Variants in PRIM2 observed in about 807,000 individuals in gnomAD.
PRIM2 encodes the protein DNA primase large subunit.
PRIM2 carries 39 observed loss-of-function variants against 67.3 expected under a neutral mutation model. The ratio of observed to expected loss-of-function variants is 0.58; its 90% CI spans 0.45 to 0.76. PRIM2 has a LOEUF of 0.76. PRIM2 is among the 30% of genes least tolerant of loss of function. The pLI is 0.00. For missense variants in PRIM2, 398 were observed against 598.7 expected (o/e 0.66, Z 3.50); for synonymous variants, 143 against 198.7 (o/e 0.72, Z 2.36).
At chr6:57,242,671 C>G in the PRIM2 span, among the ~76,000 whole-genome samples, 1 of 152,162 alleles carries the variant, frequency 6.6e-6, no homozygotes. Flanking sequence ...ACTTAACTCT[C>G]AGAGGAAGAT....
intron 7 of PRIM2, among the ~76,000 whole-genome samples, chr6:57,477,976 AAAAT>A (rs1562771750): frequency 6.6e-6 from 1 of 152,230 alleles, no homozygotes; most frequent in Admixed American, 6.5e-5. Flanking sequence ...AATATAAATA[AAAAT>A]AAATGAAATA....
At chr6:57,446,418 C>CTTTTTTTTTTTTTTTT (rs397958660) in intron 7 of PRIM2, among the ~76,000 whole-genome samples, 14,943 of 81,804 alleles carry the variant, frequency 0.18, 3,935 homozygotes, top group South Asian at 0.28. Context: ...CACGCCACTT[C>CTTTTTTTTTTTTTTTT]TTTTTTTTTT....
At position 57,497,777 on chromosome 6, in the gene PRIM2, A is replaced by G. The variant is rs1554346515; in HGVS notation, c.694-9610A>G. On this transcript the variant is annotated intron_variant, in intron 7 of 13. Coordinates refer to ENST00000615550, the MANE Select transcript of PRIM2 (RefSeq NM_000947.5). ...TCTGTTGTGAAGATCACCTGAAATA[A>G]TGTGTGTGAGAGCCCTGTGGAAACC... 5.9e-5 allele frequency: 9 copies of G among 152,254 alleles called. No individual in the cohort carries two copies. The South Asian group carries it at 1.9e-3, about 31-fold the overall frequency. The allele number at this position is 152,254 out of a possible 1,614,324, so 9.4% of individuals were successfully genotyped here. A position where few individuals can be genotyped will look rare whatever the true frequency, so the allele number is the denominator to read the frequency against.
At chr6:57,232,118 T>C in the PRIM2 span, among the ~76,000 whole-genome samples, 1 of 152,206 alleles carries the variant, frequency 6.6e-6, no homozygotes, top group East Asian at 1.9e-4. Context: ...TTAAGGAAGA[T>C]AGAATGAATG....
chr6:57,385,000 T>A (rs918655347), intron 7 of PRIM2, among the ~76,000 whole-genome samples: 9 of 152,202 alleles, frequency 5.9e-5, no homozygotes, highest in Non-Finnish European at 1.2e-4. Context: ...GTAAAAAAAA[T>A]TTTACATTTG....
chr6:57,299,967 G>A, the PRIM2 span, among the ~76,000 whole-genome samples: 4 of 152,162 alleles, frequency 2.6e-5, no homozygotes, highest in Non-Finnish European at 5.9e-5. Context: ...ATCCACAGAA[G>A]GATTGACGTT....
intron 5 of PRIM2, among the ~76,000 whole-genome samples, chr6:57,343,497 C>T (rs993832503): frequency 2.6e-5 from 4 of 152,092 alleles, no homozygotes; most frequent in Non-Finnish European, 5.9e-5. Context: ...TTGATACAGC[C>T]AATAAGGAGT....
intron 8 of PRIM2, among the ~76,000 whole-genome samples, chr6:57,518,451 G>GTA (rs1241017827): frequency 1.3e-5 from 2 of 152,050 alleles, no homozygotes; most frequent in Non-Finnish European, 2.9e-5. Context: ...TTTGCCTAGG[G>GTA]TATGAGCTCC....
rs13362764 is a variant in PRIM2 at position 57,353,588 on chromosome 6, C to T, written c.460-26313C>T. Among the ~76,000 whole-genome samples, 1,424 of 152,234 alleles carry T rather than the reference C, an allele frequency of 9.4e-3. 21 individuals are homozygous for T. The highest frequency in any genetic ancestry group is 0.032 in the African/African-American group (1,343 of 41,532). ...TGCACACATACATAAAGAAGATCTA[C>T]GGTTTTGGTGGTATTTATAGCAGGG... On this transcript the variant is annotated intron_variant, in intron 5 of 13. Coordinates refer to ENST00000615550, the MANE Select transcript of PRIM2 (RefSeq NM_000947.5).
the PRIM2 span, among the ~76,000 whole-genome samples, chr6:57,223,615 C>A: frequency 6.6e-6 from 1 of 151,874 alleles, no homozygotes; most frequent in Admixed American, 6.6e-5. Context: ...GTACTGATGC[C>A]CTTTCTGAGA....
At chr6:57,548,272 G>T (rs1679356508) in intron 10 of PRIM2, among the ~76,000 whole-genome samples, 1 of 152,142 alleles carries the variant, frequency 6.6e-6, no homozygotes, top group Non-Finnish European at 1.5e-5. Context: ...GAGCAGGAGT[G>T]CCAAAAGTTA....
intron 10 of PRIM2, among the ~76,000 whole-genome samples, chr6:57,539,327 A>G (rs1775085527): frequency 6.6e-6 from 1 of 152,134 alleles, no homozygotes; most frequent in African/African-American, 2.4e-5. Flanking sequence ...ACCATTCTAA[A>G]AATTGTCATT....
At chr6:57,515,307 T>C (rs1343279248) in intron 8 of PRIM2, among the ~76,000 whole-genome samples, 5 of 152,224 alleles carry the variant, frequency 3.3e-5, no homozygotes, top group Non-Finnish European at 7.3e-5. Context: ...ACAGTTTCTG[T>C]GTGTTCAGGC....
intron 7 of PRIM2, among the ~76,000 whole-genome samples, chr6:57,388,716 T>C (rs1453779895): frequency 1.3e-5 from 2 of 152,078 alleles, no homozygotes; most frequent in Non-Finnish European, 2.9e-5. Context: ...CTTGAATAAT[T>C]TATTAGGGGG....
chr6:57,307,572 G>C, the PRIM2 span, among the ~76,000 whole-genome samples: 1 of 152,132 alleles, frequency 6.6e-6, no homozygotes, highest in Non-Finnish European at 1.5e-5. Context: ...TATTTACAAA[G>C]GTGTGGGAGT....
chr6:57,290,641 T>TTATAA, the PRIM2 span, among the ~76,000 whole-genome samples: 5 of 151,060 alleles, frequency 3.3e-5, no homozygotes, highest in Non-Finnish European at 5.9e-5. Flanking sequence ...AGAACAGAAA[T>TTATAA]CACAACAGTC....
chr6:57,390,190 A>G (rs1770285325), intron 7 of PRIM2: 1 of 154,756 alleles, frequency 6.5e-6, no homozygotes, highest in Non-Finnish European at 1.5e-5. Flanking sequence ...CAAAGACTGC[A>G]ATTACTTTTG....
intron 5 of PRIM2, among the ~76,000 whole-genome samples, chr6:57,359,677 A>G (rs1186698924): frequency 1.3e-5 from 2 of 152,228 alleles, no homozygotes; most frequent in East Asian, 3.8e-4. Context: ...AAATACCTCA[A>G]AACAACTGTA....
chr6:57,251,711 T>C, the PRIM2 span, among the ~76,000 whole-genome samples: 1 of 152,300 alleles, frequency 6.6e-6, no homozygotes, highest in South Asian at 2.1e-4. Context: ...AGGCAGACAT[T>C]TTTACTTCAT....
Sources: gnomAD v4.1 joint callset for allele counts (sites outside exome capture counted in the v4.1 genomes callset) on GRCh38, gnomAD v4.1.1 for gene constraint, MANE v1.5 for transcripts, NCBI Gene and HGNC (gene_info 2026-07-23, HGNC 2026-07-21) for gene names.